The following FSD1L variants were observed in gnomAD, a reference collection of about 807,000 sequenced individuals.
FSD1L encodes the protein fibronectin type III and SPRY domain containing 1 like.
Under a neutral mutation model 71.6 loss-of-function variants are expected in FSD1L, and 45 were observed. That is an observed-to-expected ratio of 0.63 (90% CI 0.49 to 0.81). FSD1L has a LOEUF of 0.81. Among genes scored for constraint, FSD1L ranks in the 30% least tolerant of loss-of-function variants. The pLI, the probability that FSD1L is intolerant of heterozygous loss-of-function variation, is 0.00. For missense variants in FSD1L, 561 were observed against 618.1 expected (o/e 0.91, Z 0.98); for synonymous variants, 197 against 207.2 (o/e 0.95, Z 0.42).
chr9:105,486,472 C>A (rs2045090003), intron 7 of FSD1L, among the ~76,000 whole-genome samples: 1 of 152,138 alleles, frequency 6.6e-6, no homozygotes, highest in Admixed American at 6.5e-5. Flanking sequence ...CTTTCATGTT[C>A]ACTCTTGGGA....
At chr9:105,508,548 C>A in intron 8 of FSD1L, 69 bp from the exon 9 acceptor site, 1 of 867,944 alleles carries the variant, frequency 1.2e-6, no homozygotes, top group Non-Finnish European at 1.9e-6. Context: ...CCTGAAGGCT[C>A]ATACTCTTAC....
chr9:105,524,121 C>A, intron 10 of FSD1L: 1 of 1,612,158 alleles, frequency 6.2e-7, no homozygotes, highest in Non-Finnish European at 8.5e-7. Context: ...TGGTCCTGCA[C>A]GATGTGTAGC....
chr9:105,476,196 T>C (rs1036446462), intron 5 of FSD1L, among the ~76,000 whole-genome samples: 6 of 152,212 alleles, frequency 3.9e-5, no homozygotes, highest in African/African-American at 1.2e-4. Flanking sequence ...TTGGCAGTTA[T>C]GAAGATTGGT....
intron 7 of FSD1L, among the ~76,000 whole-genome samples, chr9:105,504,628 A>G (rs1373112421): frequency 6.6e-6 from 1 of 152,218 alleles, no homozygotes; most frequent in Non-Finnish European, 1.5e-5. Flanking sequence ...TTGAATTACC[A>G]AAATCCACAG....
At chr9:105,465,441 A>G (rs1270331598) in intron 3 of FSD1L, among the ~76,000 whole-genome samples, 1 of 152,224 alleles carries the variant, frequency 6.6e-6, no homozygotes, top group Non-Finnish European at 1.5e-5. Context: ...AAGCCAAACC[A>G]GGGATACTAC....
chr9:105,493,303 T>A (rs944358822), intron 7 of FSD1L, among the ~76,000 whole-genome samples: 1 of 152,172 alleles, frequency 6.6e-6, no homozygotes, highest in African/African-American at 2.4e-5. Context: ...GTCTGTTTTA[T>A]CAGAAACTAG....
chr9:105,474,521 C>T (rs1831669610), intron 5 of FSD1L, among the ~76,000 whole-genome samples: 1 of 152,204 alleles, frequency 6.6e-6, no homozygotes, highest in South Asian at 2.1e-4. Flanking sequence ...TCCTAGCCAG[C>T]TACATGGACT....
At position 105,517,500 on chromosome 9, in the gene FSD1L, C is replaced by G. The variant is rs1332518542; in HGVS notation, c.1025+4564C>G. On this transcript the variant is annotated intron_variant, in intron 10 of 13. Coordinates refer to ENST00000481272, the MANE Select transcript of FSD1L (RefSeq NM_001145313.3). ...CCACAAGCCAGAAGAGAGTGGGGGC[C>G]AATATTTAACATTCTTAAAGAAAAG... 2.0e-5 allele frequency among the ~76,000 whole-genome samples: 3 copies of G among 152,140 alleles called. No individual in the cohort carries two copies. The East Asian group carries it at 5.8e-4, about 29-fold the overall frequency.
At chr9:105,491,186 C>G (rs980335389) in intron 7 of FSD1L, among the ~76,000 whole-genome samples, 4 of 151,818 alleles carry the variant, frequency 2.6e-5, no homozygotes, top group African/African-American at 9.7e-5. Flanking sequence ...TTTCATTGAG[C>G]AGTGATTTGT....
chr9:105,449,112 A>G (rs913147289), intron 1 of FSD1L, among the ~76,000 whole-genome samples: 1 of 152,228 alleles, frequency 6.6e-6, no homozygotes, highest in Non-Finnish European at 1.5e-5. Context: ...GTAGCAGGGA[A>G]AACAAAGACA....
At chr9:105,450,379 A>G (rs1207664997) in intron 1 of FSD1L, among the ~76,000 whole-genome samples, 1 of 152,206 alleles carries the variant, frequency 6.6e-6, no homozygotes, top group Non-Finnish European at 1.5e-5. Flanking sequence ...TGGGCTTTAC[A>G]TTAGTAAGAG....
intron 9 of FSD1L, among the ~76,000 whole-genome samples, chr9:105,510,257 A>G (rs1267247196): frequency 6.6e-6 from 1 of 152,194 alleles, no homozygotes; most frequent in Non-Finnish European, 1.5e-5. Flanking sequence ...TGCGGTAGGA[A>G]TAGACTGAAA....
At chr9:105,514,891 A>C (rs1189754394) in intron 10 of FSD1L, among the ~76,000 whole-genome samples, 2 of 152,190 alleles carry the variant, frequency 1.3e-5, no homozygotes, top group Admixed American at 1.3e-4. Flanking sequence ...AAAATGGGAA[A>C]GATACTAAAA....
chr9:105,501,542 C>A (rs1833761852), intron 7 of FSD1L, among the ~76,000 whole-genome samples: 1 of 152,070 alleles, frequency 6.6e-6, no homozygotes, highest in African/African-American at 2.4e-5. Flanking sequence ...TCTGCATCAG[C>A]CTCCTGAGTT....
At position 105,522,669 on chromosome 9, in the gene FSD1L, A is replaced by G. The variant is rs1176849355; in HGVS notation, c.1025+9733A>G. On this transcript the variant is annotated intron_variant, in intron 10 of 13. Transcript: ENST00000481272. Reference sequence around the variant, plus strand: ...CACTTCTGACATCTTGGAACCATTCACTGTTGAACGAGCCAAAGTCAATAA... The same window carrying G: ...CACTTCTGACATCTTGGAACCATTCGCTGTTGAACGAGCCAAAGTCAATAA... The G allele has an allele frequency of 1.9e-5, 30 of 1,612,296 alleles. No homozygotes were observed. The South Asian group carries it at 2.6e-4, about 14-fold the overall frequency.
chr9:105,442,946 CATCTTCCATACAATAGCCCT>C (rs1325527627), upstream of FSD1L, among the ~76,000 whole-genome samples: 19 of 152,220 alleles, frequency 1.2e-4, no homozygotes, highest in Non-Finnish European at 5.9e-5. Flanking sequence ...AAGTTAGCTT[CATCTTCCATACAATAGCCCT>C]AAAGAAATTT....
At chr9:105,482,511 T>C (rs576737013) in intron 6 of FSD1L, among the ~76,000 whole-genome samples, 58 of 152,270 alleles carry the variant, frequency 3.8e-4, no homozygotes, top group African/African-American at 1.4e-3. Context: ...ACTAAGAAAA[T>C]CAAGGGGAAT....
chr9:105,538,977 G>A (rs2131510466), intron 12 of FSD1L, among the ~76,000 whole-genome samples: 1 of 152,238 alleles, frequency 6.6e-6, no homozygotes, highest in East Asian at 1.9e-4. Context: ...GAAACCATTT[G>A]TTAAATAATG....
intron 6 of FSD1L, among the ~76,000 whole-genome samples, chr9:105,479,660 G>A (rs1832042143): frequency 6.6e-6 from 1 of 152,154 alleles, no homozygotes; most frequent in African/African-American, 2.4e-5. Context: ...TTGTACTAAT[G>A]AAAAGGGAAC....
Sources: allele counts gnomAD v4.1 joint callset (sites outside exome capture counted in the v4.1 genomes callset), GRCh38; gene constraint gnomAD v4.1.1; transcripts MANE v1.5; gene names NCBI Gene and HGNC (gene_info 2026-07-23, HGNC 2026-07-21).